NRP1: variants seen among roughly 807,000 people sequenced by gnomAD.
The protein encoded by NRP1 is neuropilin 1, also known as neuropilin-1.
NRP1 carries 35 observed loss-of-function variants against 106.7 expected under a neutral mutation model. That is an observed-to-expected ratio of 0.33 (90% CI 0.25 to 0.43). The LOEUF (loss-of-function observed/expected upper bound fraction) is 0.43, where lower values mean the gene tolerates loss of function less well. Ranked by LOEUF, NRP1 falls within the 20% of genes least tolerant of loss-of-function variation. NRP1 has a pLI of 1.00. For synonymous variants in NRP1, 437 were observed against 417.9 expected, an observed-to-expected ratio of 1.05 and a Z score of -0.56; for missense variants, 1,024 against 1,170.4, an observed-to-expected ratio of 0.87 and a Z score of 1.83.
intron 8 of NRP1, among the ~76,000 whole-genome samples, chr10:33,217,976 C>T (rs1160406889): frequency 6.6e-6 from 1 of 152,144 alleles, no homozygotes; most frequent in Non-Finnish European, 1.5e-5. Context: ...CGATGGGAGA[C>T]CCTGAATGAG....
intron 5 of NRP1, among the ~76,000 whole-genome samples, chr10:33,254,895 T>C (rs1000335711): frequency 6.6e-6 from 1 of 152,144 alleles, no homozygotes; most frequent in Non-Finnish European, 1.5e-5. Flanking sequence ...AAGAAGCACA[T>C]TAGGTGGACA....
chr10:33,265,061 G>T (rs999720961), intron 3 of NRP1, among the ~76,000 whole-genome samples: 60 of 151,534 alleles, frequency 4.0e-4, no homozygotes, highest in African/African-American at 1.2e-3. Context: ...AGTGAGCCGA[G>T]ATCACACCAC....
chr10:33,240,201 A>AGACACACACACACC (rs1840907888), intron 6 of NRP1, among the ~76,000 whole-genome samples: 1 of 152,348 alleles, frequency 6.6e-6, no homozygotes, highest in Admixed American at 6.5e-5. Context: ...ACACACACAC[A>AGACACACACACACC]GACACACACA....
intron 2 of NRP1, among the ~76,000 whole-genome samples, chr10:33,292,052 T>A (rs1272984807): frequency 6.6e-6 from 1 of 152,152 alleles, no homozygotes; most frequent in East Asian, 1.9e-4. Context: ...TACAGGTGCA[T>A]GCCATCACAC....
chr10:33,272,891 G>A (rs1436433905), intron 2 of NRP1, among the ~76,000 whole-genome samples: 1 of 152,036 alleles, frequency 6.6e-6, no homozygotes, highest in East Asian at 1.9e-4. Context: ...AAGAGAGGTG[G>A]GTGAGGCATT....
At chr10:33,313,734 C>T (rs1007845076) in intron 2 of NRP1, among the ~76,000 whole-genome samples, 4 of 152,058 alleles carry the variant, frequency 2.6e-5, no homozygotes, top group Admixed American at 2.0e-4. Context: ...TGAGTACCTG[C>T]GGGCATCACA....
intron 6 of NRP1, among the ~76,000 whole-genome samples, chr10:33,228,923 C>T (rs1331316): frequency 0.37 from 56,141 of 152,004 alleles, 10,496 homozygotes; most frequent in East Asian, 0.64. Context: ...CAAGTGCCTA[C>T]ACTTGTTTAC....
chr10:33,267,385 A>G (rs1200774582), intron 3 of NRP1, among the ~76,000 whole-genome samples: 3 of 152,202 alleles, frequency 2.0e-5, no homozygotes, highest in Non-Finnish European at 2.9e-5. Flanking sequence ...GAGTTAGTGA[A>G]CATGAGCTCT....
At chr10:33,281,054 A>ATT (rs112473156) in intron 2 of NRP1, among the ~76,000 whole-genome samples, 6,603 of 147,206 alleles carry the variant, frequency 0.045, 505 homozygotes, top group African/African-American at 0.15. Context: ...AGCCTTCCAA[A>ATT]TTTTTTTTTT....
chr10:33,306,355 G>GGTAT (rs1554808826), intron 2 of NRP1, among the ~76,000 whole-genome samples: 2,300 of 148,136 alleles, frequency 0.016, 21 homozygotes, highest in Non-Finnish European at 0.023. Context: ...GGGTCAGAAG[G>GGTAT]GTGTGTGTGT....
chr10:33,219,246 T>G (rs892122990), intron 8 of NRP1, among the ~76,000 whole-genome samples: 5 of 152,172 alleles, frequency 3.3e-5, no homozygotes, highest in African/African-American at 1.2e-4. Flanking sequence ...TGCATTAAGG[T>G]GATCCTCACA....
At position 33,312,029 on chromosome 10, in the gene NRP1, C is replaced by T. The variant is rs140100010; in HGVS notation, c.248+18679G>A. Among the ~76,000 whole-genome samples, 246 of 152,206 alleles carry T rather than the reference C, an allele frequency of 1.6e-3. 2 individuals carry two copies. The Middle Eastern group carries it at 0.027, about 17-fold the overall frequency. The stretch of plus-strand genomic sequence containing the variant: ...TAGCTGAATAACTTTAGAAGTTAGT[C>T]CTCTGTTGAGCACTTGCTTTAACAA... On this transcript the variant is annotated intron_variant, in intron 2 of 16. Coordinates refer to ENST00000374867, the MANE Select transcript of NRP1 (RefSeq NM_003873.7).
At chr10:33,185,763 C>T (rs1019661257) in intron 14 of NRP1, 39 bp from the exon 15 acceptor site, 7 of 1,509,204 alleles carry the variant, frequency 4.6e-6, no homozygotes, top group Non-Finnish European at 6.5e-6. Flanking sequence ...TTGAAATGCT[C>T]ATCTCACATG....
Position 33,243,339 on chromosome 10 carries a change from G to T in NRP1, c.981+10689C>A, listed in dbSNP as rs983540939. Among the ~76,000 whole-genome samples the T allele has an allele frequency of 2.4e-4, 36 of 152,082 alleles. 1 individual carries two copies. The highest frequency in any genetic ancestry group is 2.1e-3 in the Admixed American group (32 of 15,252). ...CCATATATTTATATGTTCATCTTAG[G>T]CAAGCTCAGGGCACTAGCTGATTGA... On this transcript the variant is annotated intron_variant, in intron 6 of 16. Coordinates refer to ENST00000374867, the MANE Select transcript of NRP1 (RefSeq NM_003873.7).
chr10:33,218,836 A>C (rs898522266), intron 8 of NRP1, among the ~76,000 whole-genome samples: 2 of 148,246 alleles, frequency 1.3e-5, no homozygotes, highest in African/African-American at 2.7e-5. Flanking sequence ...CTTGTTTCTC[A>C]GAAGGCGTGC....
chr10:33,212,622 C>T (rs1188962218), intron 9 of NRP1: 2 of 152,766 alleles, frequency 1.3e-5, no homozygotes, highest in African/African-American at 4.8e-5. Flanking sequence ...TTGAACTGCA[C>T]ACTAAAAAGG....
At chr10:33,320,181 CGTGT>C (rs1847391260) in intron 2 of NRP1, among the ~76,000 whole-genome samples, 2 of 151,874 alleles carry the variant, frequency 1.3e-5, no homozygotes, top group Non-Finnish European at 2.9e-5. Context: ...GGCGTGGTGG[CGTGT>C]GCCTGTAGTC....
At chr10:33,292,348 G>A (rs1276869366) in intron 2 of NRP1, among the ~76,000 whole-genome samples, 1 of 151,934 alleles carries the variant, frequency 6.6e-6, no homozygotes, top group East Asian at 1.9e-4. Flanking sequence ...TTCTTGGAAA[G>A]CAAAATTCTA....
chr10:33,208,209 C>T (rs2506154), intron 9 of NRP1, among the ~76,000 whole-genome samples: 26,368 of 152,008 alleles, frequency 0.17, 2,333 homozygotes, highest in Middle Eastern at 0.3. Flanking sequence ...TACAGGCATG[C>T]GCCACCACGC....
Sources: allele counts gnomAD v4.1 joint callset (sites outside exome capture counted in the v4.1 genomes callset), GRCh38; gene constraint gnomAD v4.1.1; transcripts MANE v1.5; gene names NCBI Gene and HGNC (gene_info 2026-07-23, HGNC 2026-07-21).